The following MTCL2 variants were observed in gnomAD, a reference collection of about 807,000 sequenced individuals.
MTCL2 encodes the protein microtubule cross-linking factor 2.
At chr20:36,861,285 C>T in the MTCL2 span, among the ~76,000 whole-genome samples, 1 of 152,122 alleles carries the variant, frequency 6.6e-6, no homozygotes, top group Non-Finnish European at 1.5e-5. Flanking sequence ...CTCAAAGAGC[C>T]GACTGAACTC....
chr20:36,805,688 C>CCCA, the MTCL2 span, among the ~76,000 whole-genome samples: 1 of 152,188 alleles, frequency 6.6e-6, no homozygotes. Flanking sequence ...TGCCTATGAC[C>CCCA]CCACAGTCCA....
chr20:36,858,902 T>C, the MTCL2 span, among the ~76,000 whole-genome samples: 1 of 152,144 alleles, frequency 6.6e-6, no homozygotes, highest in Non-Finnish European at 1.5e-5. Flanking sequence ...GTGATTCTCC[T>C]GCCTCAGCCT....
the MTCL2 span, chr20:36,816,448 C>T: frequency 2.3e-5 from 16 of 695,934 alleles, no homozygotes; most frequent in South Asian, 1.2e-4. Context: ...GCTAAGGGTC[C>T]GGGGGAGACG....
At chr20:36,801,150 C>G in the MTCL2 span, among the ~76,000 whole-genome samples, 2 of 152,128 alleles carry the variant, frequency 1.3e-5, no homozygotes, top group Admixed American at 6.6e-5. Context: ...AAGCAATCCT[C>G]CCACCTTAGC....
At chr20:36,863,283 G>A in the MTCL2 span, 1 of 1,190,016 alleles carries the variant, frequency 8.4e-7, no homozygotes, top group Non-Finnish European at 1.0e-6. This position sits in a 1 kb window ranked among gnomAD's most constrained non-coding sequence, Gnocchi z 6.2. Context: ...GGCAGGCGCG[G>A]GTGCAGGCGC....
chr20:36,857,224 T>C, the MTCL2 span, among the ~76,000 whole-genome samples: 1 of 152,170 alleles, frequency 6.6e-6, no homozygotes, highest in Non-Finnish European at 1.5e-5. Context: ...GATGTCAGTC[T>C]GTCTCTGGGA....
At chr20:36,794,817 G>T in the MTCL2 span, 1 of 609,474 alleles carries the variant, frequency 1.6e-6, no homozygotes, top group Non-Finnish European at 2.9e-6. This position sits in a 1 kb window ranked among gnomAD's most constrained non-coding sequence, Gnocchi z 5.4. Context: ...CACCCAGGCT[G>T]GAATGCAGTA....
the MTCL2 span, among the ~76,000 whole-genome samples, chr20:36,849,610 T>G: frequency 6.6e-6 from 1 of 152,148 alleles, no homozygotes; most frequent in African/African-American, 2.4e-5. Flanking sequence ...GAATGTTGTA[T>G]TTTTTGTAGA....
At chr20:36,796,024 T>A in the MTCL2 span, among the ~76,000 whole-genome samples, 1 of 152,316 alleles carries the variant, frequency 6.6e-6, no homozygotes, top group South Asian at 2.1e-4. Context: ...GCTCCTTTTA[T>A]CGGCTGCTTT....
the MTCL2 span, among the ~76,000 whole-genome samples, chr20:36,860,403 T>C: frequency 2.0e-5 from 3 of 152,150 alleles, no homozygotes; most frequent in Admixed American, 1.3e-4. Flanking sequence ...AAAAGCTCTA[T>C]GAAAACAGAC....
At chr20:36,856,091 C>G in the MTCL2 span, among the ~76,000 whole-genome samples, 1 of 152,196 alleles carries the variant, frequency 6.6e-6, no homozygotes, top group Non-Finnish European at 1.5e-5. Context: ...AGACTCTCCC[C>G]ATCCCTGCCA....
the MTCL2 span, among the ~76,000 whole-genome samples, chr20:36,845,884 G>C: frequency 6.6e-6 from 1 of 152,120 alleles, no homozygotes; most frequent in Non-Finnish European, 1.5e-5. Flanking sequence ...AGGCTTCCCA[G>C]CTCCTTCACA....
the MTCL2 span, chr20:36,802,757 C>T: frequency 7.1e-7 from 1 of 1,412,922 alleles, no homozygotes; most frequent in Non-Finnish European, 9.5e-7. Flanking sequence ...TGGATGAGCA[C>T]CTAGATCCAG....
the MTCL2 span, among the ~76,000 whole-genome samples, chr20:36,806,973 G>T: frequency 1.3e-5 from 2 of 152,206 alleles, no homozygotes; most frequent in African/African-American, 4.8e-5. Context: ...TGGCCTGCAG[G>T]TCATTCCCTT....
At chr20:36,801,473 G>T in the MTCL2 span, among the ~76,000 whole-genome samples, 2 of 151,944 alleles carry the variant, frequency 1.3e-5, no homozygotes, top group African/African-American at 4.8e-5. Flanking sequence ...CGACTCGGGA[G>T]GCTGAGGTAG....
the MTCL2 span, chr20:36,785,332 C>G: frequency 1.0e-6 from 1 of 985,354 alleles, no homozygotes; most frequent in Non-Finnish European, 1.2e-6. Flanking sequence ...ATGTTTCAAC[C>G]TCCAATAAAT....
chr20:36,818,612 C>A, the MTCL2 span, among the ~76,000 whole-genome samples: 2 of 151,888 alleles, frequency 1.3e-5, no homozygotes, highest in Non-Finnish European at 2.9e-5. Context: ...CTAGCCTAGG[C>A]AACATAGCAA....
chr20:36,827,005 G>A, the MTCL2 span, among the ~76,000 whole-genome samples: 16 of 150,492 alleles, frequency 1.1e-4, no homozygotes, highest in Non-Finnish European at 1.6e-4. Flanking sequence ...CATAGGCTGC[G>A]TACAGTTATC....
the MTCL2 span, chr20:36,793,728 G>T: frequency 1.3e-6 from 2 of 1,544,182 alleles, no homozygotes; most frequent in Non-Finnish European, 1.7e-6. The surrounding 1 kb of genome is among the most constrained non-coding windows in gnomAD (Gnocchi z 6.8). Context: ...CTGCTGTCCA[G>T]CTTGGACACA....
Sources: allele counts gnomAD v4.1 joint callset (sites outside exome capture counted in the v4.1 genomes callset), GRCh38; gene constraint gnomAD v4.1.1; non-coding constraint Gnocchi (gnomAD v3.1); transcripts MANE v1.5; gene names NCBI Gene and HGNC (gene_info 2026-07-23, HGNC 2026-07-21).